The following KCNQ1 variants were observed in gnomAD, a reference collection of about 807,000 sequenced individuals.
KCNQ1 encodes the protein potassium voltage-gated channel subfamily KQT member 1.
Under a neutral mutation model 72.4 loss-of-function variants are expected in KCNQ1, and 49 were observed. The observed-to-expected ratio is 0.68, with a 90% CI of 0.54 to 0.86. The LOEUF (loss-of-function observed/expected upper bound fraction) is 0.86. KCNQ1 is among the 40% of genes least tolerant of loss of function. The pLI is 0.00. For missense variants in KCNQ1, 790 were observed against 945.1 expected (o/e 0.84, Z 2.15); for synonymous variants, 450 against 412.6 (o/e 1.09, Z -1.10).
chr11:2,575,657 C>CTG (rs974663736), intron 6 of KCNQ1, among the ~76,000 whole-genome samples: 18 of 152,234 alleles, frequency 1.2e-4, no homozygotes, highest in Non-Finnish European at 1.6e-4. Context: ...GCAGCCAGGG[C>CTG]TGCTCCATGT....
chr11:2,687,607 A>G lies in KCNQ1; in HGVS notation c.1514+25526A>G, dbSNP rs1850512876. ...GTGTGACTGAGAAAGGAAGGGGCAG[A>G]GATCCCTTCTCCATTCCTCTCAGGC... On this transcript the variant is annotated intron_variant, in intron 11 of 15. Coordinates refer to ENST00000155840, the MANE Select transcript of KCNQ1 (RefSeq NM_000218.3). The surrounding 1 kb of genome is among the most constrained non-coding windows in gnomAD (Gnocchi z 5.0). 1 of 398,638 alleles carries G rather than the reference A, an allele frequency of 2.5e-6. No homozygotes were observed. Among genetic ancestry groups the G allele is most frequent in the Admixed American group, 4.4e-5 (1 of 22,716 alleles). 24.7% of individuals were successfully genotyped at this position (398,638 alleles called of 1,614,324 possible).
At position 2,723,978 on chromosome 11, in the gene KCNQ1, G is replaced by A. The variant is rs1360928684; in HGVS notation, c.1515-44866G>A. Among the ~76,000 whole-genome samples the A allele has an allele frequency of 1.3e-5, 2 of 152,118 alleles. No homozygotes were observed. The highest frequency in any genetic ancestry group is 4.8e-5 in the African/African-American group (2 of 41,422). On this transcript the variant is annotated intron_variant, in intron 11 of 15. Transcript: ENST00000155840. The surrounding 1 kb of genome is among the most constrained non-coding windows in gnomAD (Gnocchi z 4.2). ...GTGGAGGCATTTACTCTTTTCACCGGGGGAGCAGAAATCAGAACATGGCTC... is the reference window on the plus strand; with the variant it reads ...GTGGAGGCATTTACTCTTTTCACCGAGGGAGCAGAAATCAGAACATGGCTC...
At chr11:2,719,262 A>T (rs930310171) in intron 11 of KCNQ1, among the ~76,000 whole-genome samples, 2 of 149,168 alleles carry the variant, frequency 1.3e-5, no homozygotes, top group Non-Finnish European at 3.0e-5. Flanking sequence ...TGGTGCCTAT[A>T]GTCCCAGCAC....
intron 1 of KCNQ1, among the ~76,000 whole-genome samples, chr11:2,503,985 C>G (rs1350874308): frequency 6.6e-6 from 1 of 152,170 alleles, no homozygotes; most frequent in Non-Finnish European, 1.5e-5. Flanking sequence ...AGTTATATAT[C>G]CAGAAGAAAG....
intron 11 of KCNQ1, among the ~76,000 whole-genome samples, chr11:2,707,173 T>C (rs1027528950): frequency 2.0e-5 from 3 of 151,860 alleles, no homozygotes; most frequent in Non-Finnish European, 4.4e-5. Context: ...GCAGGTGTGA[T>C]GGGGTGGTGA....
At chr11:2,790,866 A>C (rs1473468375) in intron 15 of KCNQ1, among the ~76,000 whole-genome samples, 2 of 152,094 alleles carry the variant, frequency 1.3e-5, no homozygotes. Flanking sequence ...CAACCCTACT[A>C]CGTGGCCCTG....
Position 2,491,656 on chromosome 11 carries a change from T to C in KCNQ1, c.387-36272T>C, listed in dbSNP as rs961069289. On this transcript the variant is annotated intron_variant, in intron 1 of 15. Coordinates refer to ENST00000155840, the MANE Select transcript of KCNQ1 (RefSeq NM_000218.3). The surrounding 1 kb of genome is among the most constrained non-coding windows in gnomAD (Gnocchi z 4.1). ...GAAAGAGATAGGGGTAGAAAGCTTA[T>C]TCAAAGGGATACTAACATAGAACTT... 2.0e-5 allele frequency among the ~76,000 whole-genome samples: 3 copies of C among 152,102 alleles called. No individual in the cohort carries two copies. The highest frequency in any genetic ancestry group is 4.4e-5 in the Non-Finnish European group (3 of 68,018).
intron 8 of KCNQ1, 68 bp downstream of exon 8, chr11:2,585,375 G>A (rs573457445): frequency 3.6e-6 from 5 of 1,388,888 alleles, no homozygotes; most frequent in East Asian, 2.3e-5. Flanking sequence ...CAGCCCTCAC[G>A]GCCACCTGTC....
chr11:2,485,486 G>A (rs1846727337), intron 1 of KCNQ1, among the ~76,000 whole-genome samples: 1 of 151,872 alleles, frequency 6.6e-6, no homozygotes, highest in East Asian at 1.9e-4. Context: ...TACAAAAAGG[G>A]AAGCACACTA....
intron 15 of KCNQ1, among the ~76,000 whole-genome samples, chr11:2,845,019 G>A (rs879080387): frequency 3.3e-5 from 5 of 152,182 alleles, no homozygotes; most frequent in East Asian, 1.9e-4. Context: ...GATCTGCTAC[G>A]CTCTCGTAGG....
chr11:2,654,543 C>T lies in KCNQ1; in HGVS notation c.1394-7418C>T, dbSNP rs1849808029. 2.5e-6 allele frequency: 1 copy of T among 398,634 alleles called. No individual in the cohort carries two copies. The highest frequency in any genetic ancestry group is 4.4e-6 in the Non-Finnish European group (1 of 226,196). The allele number at this position is 398,634 out of a possible 1,614,324, so 24.7% of individuals were successfully genotyped here. Reference sequence around the variant, plus strand: ...CTTGTGGAAGAGGGCTTGGGTTACACCTGGGAGATTAGGCCGGATTTTAAT... The same window carrying T: ...CTTGTGGAAGAGGGCTTGGGTTACATCTGGGAGATTAGGCCGGATTTTAAT... On this transcript the variant is annotated intron_variant, in intron 10 of 15. Transcript: ENST00000155840. This position sits in a 1 kb window ranked among gnomAD's most constrained non-coding sequence, Gnocchi z 6.4.
In KCNQ1 at chr11:2,813,328, G is replaced by A. The variant is rs1055998183; in HGVS notation, c.1795-34439G>A. ...GCTCATTCAAGGGCATCTGCCCTGT[G>A]TCCTCATGCACCTCCATTCAGGGAA... On this transcript the variant is annotated intron_variant, in intron 15 of 15. Transcript: ENST00000155840. This position sits in a 1 kb window ranked among gnomAD's most constrained non-coding sequence, Gnocchi z 4.4. Among the ~76,000 whole-genome samples, 4 of 152,170 alleles carry A rather than the reference G, an allele frequency of 2.6e-5. No individual in the cohort carries two copies. The highest frequency in any genetic ancestry group is 5.9e-5 in the Non-Finnish European group (4 of 68,034).
Position 2,537,615 on chromosome 11 carries a change from C to T in KCNQ1, c.477+9597C>T, listed in dbSNP as rs1265017008. 6.6e-6 allele frequency among the ~76,000 whole-genome samples: 1 copy of T among 152,072 alleles called. No homozygotes were observed. Among genetic ancestry groups the T allele is most frequent in the Non-Finnish European group, 1.5e-5 (1 of 68,038 alleles). ...ACGAGCAGCTCCCAGGCACCCTCTGCCAGGTCAGCAGTGGCTTTCATCTTC... is the reference window on the plus strand; with the variant it reads ...ACGAGCAGCTCCCAGGCACCCTCTGTCAGGTCAGCAGTGGCTTTCATCTTC... On this transcript the variant is annotated intron_variant, in intron 2 of 15. Transcript: ENST00000155840. This position sits in a 1 kb window ranked among gnomAD's most constrained non-coding sequence, Gnocchi z 5.2.
At position 2,769,468 on chromosome 11, in the gene KCNQ1, G is replaced by T. The variant is rs1374747833; in HGVS notation, c.1590+549G>T. On this transcript the variant is annotated intron_variant, in intron 12 of 15. Coordinates refer to ENST00000155840, the MANE Select transcript of KCNQ1 (RefSeq NM_000218.3). The surrounding 1 kb of genome is among the most constrained non-coding windows in gnomAD (Gnocchi z 4.6). Reference sequence around the variant, plus strand: ...TGGCCAGGTGAGGCTGGAGCTCCAGGGCTTCCATAAGCTGCCCTAACTTCT... The same window carrying T: ...TGGCCAGGTGAGGCTGGAGCTCCAGTGCTTCCATAAGCTGCCCTAACTTCT... 3.9e-5 allele frequency among the ~76,000 whole-genome samples: 6 copies of T among 152,194 alleles called. No homozygotes were observed. The highest frequency in any genetic ancestry group is 3.9e-4 in the Admixed American group (6 of 15,292).
In KCNQ1 at chr11:2,626,954, C is replaced by A. The variant is rs1405401817; in HGVS notation, c.1394-35007C>A. 7.5e-6 allele frequency: 3 copies of A among 398,458 alleles called. No homozygotes were observed. Among genetic ancestry groups the A allele is most frequent in the Non-Finnish European group, 1.3e-5 (3 of 226,044 alleles). 24.7% of individuals were successfully genotyped at this position (398,458 alleles called of 1,614,324 possible). A position where few individuals can be genotyped will look rare whatever the true frequency, so the allele number is the denominator to read the frequency against. ...TTTAGGATGGGGTTTCTTCTTTCTG[C>A]AAATAACATCATTAGGATTTTTATT... On this transcript the variant is annotated intron_variant, in intron 10 of 15. Transcript: ENST00000155840. The surrounding 1 kb of genome is among the most constrained non-coding windows in gnomAD (Gnocchi z 4.0).
At position 2,677,803 on chromosome 11, in the gene KCNQ1, T is replaced by A. The variant is rs1850319804; in HGVS notation, c.1514+15722T>A. 7.5e-6 allele frequency: 3 copies of A among 398,562 alleles called. No individual in the cohort carries two copies. The East Asian group carries it at 1.1e-4, about 14-fold the overall frequency. 24.7% of individuals were successfully genotyped at this position (398,562 alleles called of 1,614,324 possible). On this transcript the variant is annotated intron_variant, in intron 11 of 15. Transcript: ENST00000155840. The surrounding 1 kb of genome is among the most constrained non-coding windows in gnomAD (Gnocchi z 4.5). The stretch of plus-strand genomic sequence containing the variant: ...CCCCCCATTTCCAGCAGGATTAAAA[T>A]GTTCATTTATGTTGTGATAGATACT...
chr11:2,699,333 C>A, intron 11 of KCNQ1: 1 of 399,230 alleles, frequency 2.5e-6, no homozygotes, highest in Non-Finnish European at 4.4e-6. Flanking sequence ...CTCACCTCAG[C>A]AACGCCAGTG....
At chr11:2,609,460 T>C (rs1848940415) in intron 10 of KCNQ1, 1 of 398,444 alleles carries the variant, frequency 2.5e-6, no homozygotes, top group African/African-American at 2.1e-5. Context: ...TCTTGGAGAA[T>C]GTCTCATGTG....
chr11:2,547,815 G>A lies in KCNQ1; in HGVS notation c.477+19797G>A, dbSNP rs1847920507. On this transcript the variant is annotated intron_variant, in intron 2 of 15. Coordinates refer to ENST00000155840, the MANE Select transcript of KCNQ1 (RefSeq NM_000218.3). The surrounding 1 kb of genome is among the most constrained non-coding windows in gnomAD (Gnocchi z 4.2). ...CAGTTCTCAGTGGAGCGGCCGGGCTGCGAGTCTCTGTATGGAGGTGAAGGT... is the reference window on the plus strand; with the variant it reads ...CAGTTCTCAGTGGAGCGGCCGGGCTACGAGTCTCTGTATGGAGGTGAAGGT... 6.6e-6 allele frequency among the ~76,000 whole-genome samples: 1 copy of A among 152,202 alleles called. No homozygotes were observed. Among genetic ancestry groups the A allele is most frequent in the Non-Finnish European group, 1.5e-5 (1 of 68,034 alleles).
Sources: allele counts gnomAD v4.1 joint callset (sites outside exome capture counted in the v4.1 genomes callset), GRCh38; gene constraint gnomAD v4.1.1; non-coding constraint Gnocchi (gnomAD v3.1); transcripts MANE v1.5; gene names NCBI Gene and HGNC (gene_info 2026-07-23, HGNC 2026-07-21).